Variants in RABEP1 observed in about 807,000 individuals in gnomAD.
RABEP1 encodes rab GTPase-binding effector protein 1.
RABEP1 carries 51 observed loss-of-function variants against 123.4 expected under a neutral mutation model. The ratio of observed to expected loss-of-function variants is 0.41; its 90% CI spans 0.33 to 0.52. The LOEUF is 0.52. RABEP1 is among the 20% of genes least tolerant of loss of function. The probability of loss-of-function intolerance (pLI) is 0.16; values close to 1 mark genes in which losing one functional copy is unlikely to be tolerated. For missense variants in RABEP1, 888 were observed against 996.3 expected, an observed-to-expected ratio of 0.89 and a Z score of 1.46; for synonymous variants, 347 against 355.2, an observed-to-expected ratio of 0.98 and a Z score of 0.26.
At chr17:5,356,354 A>G (rs1050382800) in intron 8 of RABEP1, among the ~76,000 whole-genome samples, 1 of 152,222 alleles carries the variant, frequency 6.6e-6, no homozygotes, top group Non-Finnish European at 1.5e-5. Context: ...ATCCTGTCTC[A>G]CACACACAAA....
At chr17:5,323,909 G>A (rs1390575824) in intron 2 of RABEP1, among the ~76,000 whole-genome samples, 5 of 131,876 alleles carry the variant, frequency 3.8e-5, no homozygotes, top group Non-Finnish European at 6.4e-5. Flanking sequence ...CGAAAGATCT[G>A]TAAAACACCA....
At chr17:5,370,092 T>C (rs573573545) in intron 12 of RABEP1, among the ~76,000 whole-genome samples, 6 of 152,310 alleles carry the variant, frequency 3.9e-5, no homozygotes, top group Non-Finnish European at 5.9e-5. Context: ...TGGAGAACTG[T>C]TGAAATTAAG....
At chr17:5,364,417 G>A (rs1909838374) in intron 10 of RABEP1, 1 of 152,200 alleles carries the variant, frequency 6.6e-6, no homozygotes, top group South Asian at 2.1e-4. Flanking sequence ...TTAGGGAGGG[G>A]TGATGATTGA....
chr17:5,342,465 CAGTCTCTACTAAA>C (rs1907696621), intron 5 of RABEP1, among the ~76,000 whole-genome samples: 1 of 152,188 alleles, frequency 6.6e-6, no homozygotes, highest in East Asian at 1.9e-4. Flanking sequence ...TGGTGAAACC[CAGTCTCTACTAAA>C]AGTACAAAAA....
intron 1 of RABEP1, among the ~76,000 whole-genome samples, chr17:5,306,627 GAA>G (rs5819021): frequency 2.1e-5 from 3 of 144,764 alleles, no homozygotes; most frequent in African/African-American, 7.6e-5. Flanking sequence ...GACTCTGTCT[GAA>G]AAAAAAAAAA....
chr17:5,354,053 T>TC (rs943643040), intron 7 of RABEP1, among the ~76,000 whole-genome samples: 1 of 152,210 alleles, frequency 6.6e-6, no homozygotes, highest in Non-Finnish European at 1.5e-5. Context: ...ATTTTTTTTT[T>TC]CAAGGATCAT....
intron 1 of RABEP1, among the ~76,000 whole-genome samples, chr17:5,288,047 T>A (rs946264346): frequency 5.9e-5 from 9 of 151,786 alleles, no homozygotes; most frequent in African/African-American, 2.2e-4. Flanking sequence ...TGCTGACGGA[T>A]TGAATATGGG....
At chr17:5,293,760 T>C (rs183581571) in intron 1 of RABEP1, among the ~76,000 whole-genome samples, 21 of 152,322 alleles carry the variant, frequency 1.4e-4, no homozygotes, top group African/African-American at 4.6e-4. Flanking sequence ...GACAAACTTA[T>C]TGGTAATATT....
At position 5,383,396 on chromosome 17, in the gene RABEP1, GT is replaced by G. The variant is rs1911663041; in HGVS notation, c.*174del. The G allele has an allele frequency of 3.3e-6, 2 of 609,270 alleles. No homozygotes were observed. The highest frequency in any genetic ancestry group is 5.8e-6 in the Non-Finnish European group (2 of 346,572). 37.7% of individuals were successfully genotyped at this position (609,270 alleles called of 1,614,324 possible). A position where few individuals can be genotyped will look rare whatever the true frequency, so the allele number is the denominator to read the frequency against. On this transcript the variant is annotated 3_prime_UTR_variant, in exon 18 of 18. Coordinates refer to ENST00000537505, the MANE Select transcript of RABEP1 (RefSeq NM_004703.6). ...TGTGCGGCACAGGAAACAGCAAACA[GT>G]GGGGTGATCTGCAGCCCAGAGACCT...
intron 1 of RABEP1, among the ~76,000 whole-genome samples, chr17:5,299,587 G>GAAATCC (rs1555621883): frequency 6.6e-6 from 1 of 150,888 alleles, no homozygotes; most frequent in Non-Finnish European, 1.5e-5. Context: ...ACGTGGTTCT[G>GAAATCC]AATTCATTTT....
chr17:5,290,482 A>G (rs1440190394), intron 1 of RABEP1, among the ~76,000 whole-genome samples: 1 of 152,234 alleles, frequency 6.6e-6, no homozygotes, highest in East Asian at 1.9e-4. Context: ...GTTTAAAAAA[A>G]GGACTTAAAA....
intron 1 of RABEP1, among the ~76,000 whole-genome samples, chr17:5,293,785 G>C (rs2075054779): frequency 6.6e-6 from 1 of 152,098 alleles, no homozygotes; most frequent in Admixed American, 6.6e-5. Flanking sequence ...CATTTTCAAA[G>C]ATGTTCTCTG....
Position 5,323,740 on chromosome 17 carries a change from G to T in RABEP1, c.164-8209G>T, listed in dbSNP as rs973961511. Reference sequence around the variant, plus strand: ...TATCTAGGAATATATATATATCTAGGAATATATATATATCTAGGAATATAT... The same window carrying T: ...TATCTAGGAATATATATATATCTAGTAATATATATATATCTAGGAATATAT... On this transcript the variant is annotated intron_variant, in intron 2 of 17. Transcript: ENST00000537505. Among the ~76,000 whole-genome samples, 32 of 93,898 alleles carry T rather than the reference G, an allele frequency of 3.4e-4. 5 individuals are homozygous for T. Among genetic ancestry groups the T allele is most frequent in the African/African-American group, 1.5e-3 (31 of 20,036 alleles). The allele number at this position is 93,898 out of a possible 152,430, so 61.6% of individuals were successfully genotyped here.
At position 5,386,150 on chromosome 17, in the gene RABEP1, A is replaced by G. The variant is rs118032006; in HGVS notation, c.*2927A>G. ...TAGATAATTCTACCTGTTTTACAAT[A>G]TGGGTTTAAGCCTTCAATGGTGTTC... On this transcript the variant is annotated 3_prime_UTR_variant, in exon 18 of 18. Coordinates refer to ENST00000537505, the MANE Select transcript of RABEP1 (RefSeq NM_004703.6). 1.4e-4 allele frequency: 176 copies of G among 1,297,596 alleles called. 1 individual carries two copies. In the East Asian group the frequency reaches 2.7e-3, roughly 20 times the overall value. The allele number at this position is 1,297,596 out of a possible 1,614,324, so 80.4% of individuals were successfully genotyped here.
At chr17:5,298,232 G>T (rs571350641) in intron 1 of RABEP1, among the ~76,000 whole-genome samples, 1 of 152,260 alleles carries the variant, frequency 6.6e-6, no homozygotes, top group South Asian at 2.1e-4. Context: ...CTAATGTGTA[G>T]CCTTTTTATA....
At chr17:5,337,005 G>T (rs1237367777) in intron 4 of RABEP1, among the ~76,000 whole-genome samples, 6 of 152,262 alleles carry the variant, frequency 3.9e-5, no homozygotes, top group South Asian at 2.1e-4. Context: ...AGTTTCTCTA[G>T]AAGGAAAAAA....
At chr17:5,380,342 T>C in intron 15 of RABEP1, 22 bp from the exon 16 acceptor site, 1 of 1,501,392 alleles carries the variant, frequency 6.7e-7, no homozygotes, top group South Asian at 1.2e-5. Context: ...TCTGTGAGTT[T>C]CAGCTTTTTC....
At chr17:5,354,618 T>C in intron 8 of RABEP1, 128 bp downstream of exon 8, 1 of 800,842 alleles carries the variant, frequency 1.2e-6, no homozygotes, top group Non-Finnish European at 1.8e-6. Flanking sequence ...GAAAGTTAGA[T>C]AAAAATGACA....
rs1185209680 is a variant in RABEP1, at chr17:5,294,633, C to CTTTTTTTTTTTT, written c.34+12134_34+12145dup. 2.8e-3 allele frequency among the ~76,000 whole-genome samples: 150 copies of CTTTTTTTTTTTT among 53,008 alleles called. 42 individuals carry two copies. The highest frequency in any genetic ancestry group is 4.1e-3 in the Non-Finnish European group (118 of 29,072). 34.8% of individuals were successfully genotyped at this position (53,008 alleles called of 152,430 possible). A position where few individuals can be genotyped will look rare whatever the true frequency, so the allele number is the denominator to read the frequency against. ...AGATACTGAGGGAAAACGGTATTGT[C>CTTTTTTTTTTTT]TTTTTTTTTTTTTTTTTTTTTTTTT... On this transcript the variant is annotated intron_variant, in intron 1 of 17. Coordinates refer to ENST00000537505, the MANE Select transcript of RABEP1 (RefSeq NM_004703.6).
Sources: allele counts gnomAD v4.1 joint callset (sites outside exome capture counted in the v4.1 genomes callset), GRCh38; gene constraint gnomAD v4.1.1; transcripts MANE v1.5; gene names NCBI Gene and HGNC (gene_info 2026-07-23, HGNC 2026-07-21).